The following DRC8 variants were observed in gnomAD, a reference collection of about 807,000 sequenced individuals.
DRC8 encodes dynein regulatory complex protein 8.
At chr1:245,095,757 C>T in the DRC8 span, among the ~76,000 whole-genome samples, 1 of 152,142 alleles carries the variant, frequency 6.6e-6, no homozygotes, top group East Asian at 1.9e-4. Context: ...TAAATTGTGA[C>T]CAATATCCTA....
chr1:245,017,444 A>G, the DRC8 span: 1 of 1,055,306 alleles, frequency 9.5e-7, no homozygotes, highest in South Asian at 2.1e-5. Context: ...TCTTTTAAGT[A>G]TTTATTTTCC....
the DRC8 span, among the ~76,000 whole-genome samples, chr1:245,060,068 G>T: frequency 6.6e-6 from 1 of 152,164 alleles, no homozygotes; most frequent in African/African-American, 2.4e-5. Flanking sequence ...AAAGCTACCT[G>T]GCCAGGAGAA....
At chr1:245,076,992 T>G in the DRC8 span, among the ~76,000 whole-genome samples, 4 of 152,180 alleles carry the variant, frequency 2.6e-5, no homozygotes, top group African/African-American at 9.7e-5. Context: ...CCCAAAGTGC[T>G]GGGATTACAG....
At chr1:245,060,584 C>T in the DRC8 span, among the ~76,000 whole-genome samples, 8 of 149,214 alleles carry the variant, frequency 5.4e-5, no homozygotes, top group Middle Eastern at 3.4e-3. Context: ...AATTGATGCT[C>T]ACATTAAAAA....
the DRC8 span, chr1:245,122,480 G>C: frequency 6.5e-6 from 1 of 152,756 alleles, no homozygotes; most frequent in African/African-American, 2.4e-5. Context: ...TTTTTCTGGA[G>C]ACAGGGTTTC....
chr1:245,072,956 A>AG, the DRC8 span, among the ~76,000 whole-genome samples: 1 of 152,146 alleles, frequency 6.6e-6, no homozygotes. Context: ...AGCAGATGTC[A>AG]GCACCATGCT....
the DRC8 span, chr1:245,087,417 T>C: frequency 6.5e-7 from 1 of 1,530,412 alleles, no homozygotes; most frequent in African/African-American, 1.4e-5. Context: ...CTTGTTCTTG[T>C]TAATTTCACA....
the DRC8 span, among the ~76,000 whole-genome samples, chr1:245,111,989 G>A: frequency 6.6e-6 from 1 of 152,198 alleles, no homozygotes; most frequent in South Asian, 2.1e-4. Flanking sequence ...GGAAGTGTTT[G>A]CGCCACTGCA....
chr1:245,032,995 A>C, the DRC8 span, among the ~76,000 whole-genome samples: 16 of 151,850 alleles, frequency 1.1e-4, no homozygotes, highest in South Asian at 2.3e-3. Context: ...AAAAAAAAAA[A>C]CAAAAACCCA....
At chr1:245,105,462 T>C in the DRC8 span, among the ~76,000 whole-genome samples, 66 of 151,452 alleles carry the variant, frequency 4.4e-4, 1 homozygote, top group East Asian at 0.012. Context: ...CTACTAAAAA[T>C]AGAAAAATTA....
chr1:245,045,153 C>T, the DRC8 span, among the ~76,000 whole-genome samples: 1 of 152,038 alleles, frequency 6.6e-6, no homozygotes, highest in Non-Finnish European at 1.5e-5. Context: ...GGAACTACAG[C>T]CACACACCAC....
chr1:245,108,126 G>A, the DRC8 span, among the ~76,000 whole-genome samples: 2 of 151,740 alleles, frequency 1.3e-5, no homozygotes, highest in Admixed American at 6.6e-5. Flanking sequence ...GTCTCTCCCC[G>A]TCACCCACCC....
At chr1:245,119,301 C>G in the DRC8 span, among the ~76,000 whole-genome samples, 1 of 151,300 alleles carries the variant, frequency 6.6e-6, no homozygotes, top group Non-Finnish European at 1.5e-5. Flanking sequence ...GTTGGTTAAC[C>G]CCAAATTCTT....
At chr1:245,042,528 C>T in the DRC8 span, among the ~76,000 whole-genome samples, 2 of 152,192 alleles carry the variant, frequency 1.3e-5, no homozygotes, top group Non-Finnish European at 2.9e-5. Flanking sequence ...GAAAAATGCC[C>T]TCCGTAAGGG....
At chr1:245,028,632 T>C in the DRC8 span, among the ~76,000 whole-genome samples, 5 of 152,088 alleles carry the variant, frequency 3.3e-5, no homozygotes, top group African/African-American at 4.8e-5. Flanking sequence ...AAGTAAGATT[T>C]GAGAGAGAGG....
chr1:244,983,250 C>T, the DRC8 span, among the ~76,000 whole-genome samples: 10 of 152,074 alleles, frequency 6.6e-5, no homozygotes, highest in African/African-American at 2.4e-4. Flanking sequence ...GTATTTCCTT[C>T]TAGGTTTTGT....
chr1:245,060,773 A>T, the DRC8 span, among the ~76,000 whole-genome samples: 1 of 152,272 alleles, frequency 6.6e-6, no homozygotes, highest in Non-Finnish European at 1.5e-5. Flanking sequence ...CGAAGGTCAG[A>T]AAAGGAGGAT....
the DRC8 span, among the ~76,000 whole-genome samples, chr1:245,071,302 G>A: frequency 6.6e-6 from 1 of 152,226 alleles, no homozygotes; most frequent in African/African-American, 2.4e-5. Context: ...TGAGGGCTCA[G>A]AGAAGAGATC....
At chr1:245,024,383 T>C in the DRC8 span, among the ~76,000 whole-genome samples, 2 of 152,144 alleles carry the variant, frequency 1.3e-5, no homozygotes, top group Admixed American at 1.3e-4. Flanking sequence ...CAATTTTTGG[T>C]AGATGTTGCT....
Sources: allele counts gnomAD v4.1 joint callset (sites outside exome capture counted in the v4.1 genomes callset), GRCh38; gene constraint gnomAD v4.1.1; transcripts MANE v1.5; gene names NCBI Gene and HGNC (gene_info 2026-07-23, HGNC 2026-07-21).